ANKHD1: variants seen among roughly 807,000 people sequenced by gnomAD.
The protein encoded by ANKHD1 is ankyrin repeat and KH domain containing 1.
In ANKHD1, 31 loss-of-function variants were observed where a neutral mutation model predicts 230.5. That is an observed-to-expected ratio of 0.13 (90% CI 0.10 to 0.18). The LOEUF (loss-of-function observed/expected upper bound fraction) is 0.18. ANKHD1 is among the 10% of genes least tolerant of loss of function. The probability of loss-of-function intolerance (pLI) is 1.00; values close to 1 mark genes in which losing one functional copy is unlikely to be tolerated. For synonymous variants in ANKHD1, 1,074 were observed against 1,117.6 expected, an observed-to-expected ratio of 0.96 and a Z score of 0.78; for missense variants, 2,256 against 3,071.3, an observed-to-expected ratio of 0.73 and a Z score of 6.27.
chr5:140,522,704 T>G (rs1753406348), intron 24 of ANKHD1, among the ~76,000 whole-genome samples: 1 of 152,348 alleles, frequency 6.6e-6, no homozygotes, highest in Non-Finnish European at 1.5e-5. Flanking sequence ...CTAAATCATA[T>G]GCTAGTTCTG....
intron 9 of ANKHD1, 102 bp downstream of exon 9, chr5:140,459,457 G>A: frequency 7.4e-7 from 1 of 1,359,134 alleles, no homozygotes; most frequent in Non-Finnish European, 9.6e-7. Context: ...TAATAGAATG[G>A]TGGTTACCAG....
In ANKHD1 at chr5:140,506,903, G is replaced by A; in HGVS notation, c.3477G>A (p.Leu1159=). 1 of 1,614,090 alleles carries A rather than the reference G, an allele frequency of 6.2e-7. No homozygotes were observed. Among genetic ancestry groups the A allele is most frequent in the Middle Eastern group, 1.7e-4 (1 of 6,058 alleles). Residue 1159 remains leucine (L), a synonymous_variant, in exon 19 of 34, where the codon CTG becomes CTA. Transcript: ENST00000360839. The surrounding 1 kb of genome is among the most constrained non-coding windows in gnomAD (Gnocchi z 4.7). ...GGAACGTATCTGATTATACACCACT[G>A]AGTCTAGCTGCGTCTGGAGGATATG... is the stretch of plus-strand genomic sequence containing the variant. ...EHRNVSDYTP[L]SLAASGGYVN...
intron 15 of ANKHD1, among the ~76,000 whole-genome samples, chr5:140,500,098 A>G (rs1752218723): frequency 6.6e-6 from 1 of 152,012 alleles, no homozygotes; most frequent in African/African-American, 2.4e-5. Flanking sequence ...CAAATTCCTG[A>G]CCTCAAGTGA....
intron 1 of ANKHD1, among the ~76,000 whole-genome samples, chr5:140,428,672 C>T (rs1166187961): frequency 2.6e-5 from 4 of 152,074 alleles, no homozygotes; most frequent in East Asian, 3.9e-4. Context: ...AGGGCGAGGG[C>T]GAGGGCGAGG....
In ANKHD1 at chr5:140,491,107, TAC is replaced by T. The variant is rs1292753293; in HGVS notation, c.2245+4059_2245+4060del. Among the ~76,000 whole-genome samples, 45 of 55,104 alleles carry T rather than the reference TAC, an allele frequency of 8.2e-4. 1 individual carries two copies. Among genetic ancestry groups the T allele is most frequent in the East Asian group, 1.7e-3 (2 of 1,188 alleles). 36.2% of individuals were successfully genotyped at this position (55,104 alleles called of 152,430 possible). ...GTGTGTGTGTGTATATATATATATA[TAC>T]ACACACACACATATATATATATATA... On this transcript the variant is annotated intron_variant, in intron 14 of 33. Coordinates refer to ENST00000360839, the MANE Select transcript of ANKHD1 (RefSeq NM_017747.3).
chr5:140,504,105 G>A (rs530415110), intron 15 of ANKHD1, among the ~76,000 whole-genome samples: 87 of 151,056 alleles, frequency 5.8e-4, no homozygotes, highest in Non-Finnish European at 9.0e-4. Context: ...CAGGCTGGAG[G>A]GCAGTGGCGT....
intron 10 of ANKHD1, among the ~76,000 whole-genome samples, chr5:140,473,075 G>T (rs1303889604): frequency 6.7e-6 from 1 of 149,928 alleles, no homozygotes; most frequent in Non-Finnish European, 1.5e-5. Flanking sequence ...GCCCAGGCTG[G>T]AGTGCAGTGG....
Position 140,504,976 on chromosome 5 carries a change from T to G in ANKHD1, c.3150+10T>G. ...TGACATTGATGCACATGTGAGTAGA[T>G]TGCTTTATTTAAACTTATTTTGCAC... On this transcript the variant is annotated intron_variant, in intron 16 of 33. Transcript: ENST00000360839. 1.2e-6 allele frequency: 2 copies of G among 1,612,890 alleles called. No individual in the cohort carries two copies. The highest frequency in any genetic ancestry group is 1.7e-6 in the Non-Finnish European group (2 of 1,179,654).
At chr5:140,432,093 T>C (rs1042396882) in intron 1 of ANKHD1, among the ~76,000 whole-genome samples, 10 of 152,238 alleles carry the variant, frequency 6.6e-5, no homozygotes, top group African/African-American at 2.4e-4. Context: ...AAAATTGAGA[T>C]ATAATTCGTA....
intron 5 of ANKHD1, among the ~76,000 whole-genome samples, chr5:140,443,563 C>T (rs914653521): frequency 1.1e-4 from 16 of 151,668 alleles, no homozygotes; most frequent in African/African-American, 3.9e-4. Flanking sequence ...TGGTGGCAGG[C>T]GCCTGTAGTC....
chr5:140,464,879 A>G, intron 10 of ANKHD1, 103 bp downstream of exon 10: 1 of 1,184,224 alleles, frequency 8.4e-7, no homozygotes, highest in Non-Finnish European at 1.1e-6. Context: ...TACTTTGTAT[A>G]CAGTAACTTA....
intron 14 of ANKHD1, among the ~76,000 whole-genome samples, chr5:140,491,387 A>G (rs753336950): frequency 4.0e-5 from 6 of 151,528 alleles, no homozygotes; most frequent in Non-Finnish European, 8.8e-5. Flanking sequence ...CTGGTCTTGA[A>G]GTCCTGAGCT....
intron 1 of ANKHD1, among the ~76,000 whole-genome samples, chr5:140,414,854 T>C (rs1435397629): frequency 6.6e-6 from 1 of 150,410 alleles, no homozygotes; most frequent in Non-Finnish European, 1.5e-5. Flanking sequence ...AAAAAAAAAT[T>C]GTGTTGTTTG....
chr5:140,451,253 A>C (rs1774712936), intron 7 of ANKHD1, among the ~76,000 whole-genome samples: 6 of 152,228 alleles, frequency 3.9e-5, no homozygotes. Flanking sequence ...GCACAATAGC[A>C]GTTCCTTGAT....
intron 24 of ANKHD1, among the ~76,000 whole-genome samples, chr5:140,515,276 C>T (rs1156588701): frequency 6.6e-6 from 1 of 150,558 alleles, no homozygotes; most frequent in African/African-American, 2.4e-5. Flanking sequence ...AGATTCTGTC[C>T]CCCCAAAAAA....
chr5:140,511,446 C>G (rs1169130112), intron 22 of ANKHD1, among the ~76,000 whole-genome samples: 3 of 152,154 alleles, frequency 2.0e-5, no homozygotes, highest in African/African-American at 7.2e-5. Context: ...CTGTTAGCTC[C>G]AATTTTACAT....
At chr5:140,535,226 GA>G in intron 29 of ANKHD1, 135 bp from the exon 30 acceptor site, 2 of 1,354,526 alleles carry the variant, frequency 1.5e-6, no homozygotes, top group Non-Finnish European at 9.8e-7. Flanking sequence ...TGTGGTCTAT[GA>G]AAATGAGCCA....
intron 24 of ANKHD1, among the ~76,000 whole-genome samples, chr5:140,515,634 G>T (rs908767666): frequency 4.6e-5 from 7 of 152,174 alleles, no homozygotes; most frequent in African/African-American, 1.7e-4. Context: ...CCTGACCCCT[G>T]ATCCCTGACC....
intron 14 of ANKHD1, among the ~76,000 whole-genome samples, chr5:140,492,569 T>G (rs1240214344): frequency 6.6e-6 from 1 of 152,246 alleles, no homozygotes; most frequent in Non-Finnish European, 1.5e-5. Flanking sequence ...AACACTCTAC[T>G]ACATTTGATG....
Sources: gnomAD v4.1 joint callset for allele counts (sites outside exome capture counted in the v4.1 genomes callset) on GRCh38, gnomAD v4.1.1 for gene constraint, Gnocchi (gnomAD v3.1) non-coding constraint, MANE v1.5 for transcripts, NCBI Gene and HGNC (gene_info 2026-07-23, HGNC 2026-07-21) for gene names.